FAM53A: variants seen among roughly 807,000 people sequenced by gnomAD.
FAM53A encodes the protein family with sequence similarity 53 member A, also known as protein FAM53A.
A neutral mutation model predicts 26.6 loss-of-function variants in FAM53A; 28 were observed. That is an observed-to-expected ratio of 1.05 (90% CI 0.78 to 1.45). The LOEUF (loss-of-function observed/expected upper bound fraction) is 1.45, where lower values mean the gene tolerates loss of function less well. Among genes scored for constraint, FAM53A ranks in the 40% most tolerant of loss-of-function variants. The pLI, the probability that FAM53A is intolerant of heterozygous loss-of-function variation, is 0.00. For missense variants in FAM53A, 650 were observed against 575.8 expected, an observed-to-expected ratio of 1.13 and a Z score of -1.32; for synonymous variants, 290 against 253.1, an observed-to-expected ratio of 1.15 and a Z score of -1.38.
chr4:1,617,371 G>A (rs537561168), downstream of FAM53A, among the ~76,000 whole-genome samples: 1 of 152,094 alleles, frequency 6.6e-6, no homozygotes, highest in African/African-American at 2.4e-5. Flanking sequence ...TTACTTATAC[G>A]TGGCTCATGA....
At chr4:1,669,998 C>A (rs1025947711) in intron 1 of FAM53A, among the ~76,000 whole-genome samples, 2 of 152,208 alleles carry the variant, frequency 1.3e-5, no homozygotes, top group Admixed American at 6.5e-5. Flanking sequence ...AAAGCCCAGG[C>A]CTCACCACCA....
At chr4:1,655,767 C>G in intron 3 of FAM53A, 44 bp from the exon 4 acceptor site, 1 of 1,490,576 alleles carries the variant, frequency 6.7e-7, no homozygotes, top group South Asian at 1.3e-5. Context: ...GACAGGTGAG[C>G]CACAGGGCAG....
At chr4:1,611,753 A>G in the FAM53A span, among the ~76,000 whole-genome samples, 4 of 152,154 alleles carry the variant, frequency 2.6e-5, no homozygotes, top group Non-Finnish European at 4.4e-5. Flanking sequence ...TGGCCATGCC[A>G]AAGGTTCTCA....
intron 1 of FAM53A, among the ~76,000 whole-genome samples, chr4:1,673,942 G>C (rs1026941817): frequency 6.6e-6 from 1 of 152,238 alleles, no homozygotes; most frequent in South Asian, 2.1e-4. Flanking sequence ...GCAGGGAAGA[G>C]ACCCTCGTGT....
chr4:1,608,060 C>T, the FAM53A span, among the ~76,000 whole-genome samples: 4 of 152,162 alleles, frequency 2.6e-5, no homozygotes, highest in South Asian at 4.2e-4. Flanking sequence ...CGCAGTGAGC[C>T]GAGATTGGGC....
the FAM53A span, among the ~76,000 whole-genome samples, chr4:1,599,022 TC>T: frequency 2.0e-5 from 3 of 152,226 alleles, no homozygotes; most frequent in Non-Finnish European, 2.9e-5. The surrounding 1 kb of genome is among the most constrained non-coding windows in gnomAD (Gnocchi z 6.1). Context: ...CCGCGTTCCT[TC>T]CCCGGCCCGC....
intron 1 of FAM53A, among the ~76,000 whole-genome samples, chr4:1,620,908 C>G (rs983143676): frequency 6.6e-6 from 1 of 152,066 alleles, no homozygotes; most frequent in Non-Finnish European, 1.5e-5. Flanking sequence ...ATCGGGTCCC[C>G]AGGGTCACCA....
the FAM53A span, among the ~76,000 whole-genome samples, chr4:1,611,519 G>A: frequency 6.6e-6 from 1 of 152,212 alleles, no homozygotes; most frequent in East Asian, 1.9e-4. Context: ...GGTGCCCCTG[G>A]TGCACAAGAA....
chr4:1,621,101 C>CTTTTTTTTTTGTTT (rs1715011014), intron 1 of FAM53A, among the ~76,000 whole-genome samples: 1 of 95,488 alleles, frequency 1.0e-5, no homozygotes, highest in Admixed American at 1.4e-4. Flanking sequence ...AGCTACGCTA[C>CTTTTTTTTTTGTTT]TTTTTTTTTT....
intron 2 of FAM53A, among the ~76,000 whole-genome samples, chr4:1,657,881 C>T (rs545184975): frequency 2.0e-5 from 3 of 151,252 alleles, no homozygotes; most frequent in East Asian, 2.0e-4. Context: ...CCTCGTGATC[C>T]GCCCGCCTCA....
downstream of FAM53A, among the ~76,000 whole-genome samples, chr4:1,615,690 C>T (rs73795176): frequency 1.2e-3 from 181 of 152,348 alleles, 1 homozygote; most frequent in African/African-American, 4.2e-3. Context: ...GGGGATGGCC[C>T]GAATTGTTTG....
chr4:1,683,632 T>C (rs992669432), intron 1 of FAM53A: 12 of 152,182 alleles, frequency 7.9e-5, no homozygotes, highest in South Asian at 2.1e-4. Context: ...CGAAAAGTGC[T>C]TTAGAGTTAT....
intron 1 of FAM53A, among the ~76,000 whole-genome samples, chr4:1,625,102 C>T (rs111868706): frequency 2.2e-5 from 1 of 45,984 alleles, no homozygotes; most frequent in Non-Finnish European, 3.9e-5. Flanking sequence ...TGATCAGAAG[C>T]CCCCACGTCC....
downstream of FAM53A, among the ~76,000 whole-genome samples, chr4:1,615,149 G>T (rs116496996): frequency 6.2e-3 from 926 of 150,428 alleles, 4 homozygotes; most frequent in Non-Finnish European, 9.8e-3. Flanking sequence ...CACCCCACCT[G>T]GGTACACACG....
intron 1 of FAM53A, among the ~76,000 whole-genome samples, chr4:1,676,052 T>C (rs1318551141): frequency 6.6e-6 from 1 of 152,266 alleles, no homozygotes; most frequent in African/African-American, 2.4e-5. Context: ...TTTTTCTGTG[T>C]TTTAATTTAA....
At chr4:1,578,474 C>T in the FAM53A span, among the ~76,000 whole-genome samples, 1 of 151,850 alleles carries the variant, frequency 6.6e-6, no homozygotes, top group Non-Finnish European at 1.5e-5. Flanking sequence ...GCCGGTGTGG[C>T]CTGGAAGCTC....
the FAM53A span, among the ~76,000 whole-genome samples, chr4:1,593,285 A>C: frequency 2.0e-5 from 3 of 152,006 alleles, no homozygotes; most frequent in Non-Finnish European, 4.4e-5. Context: ...GCGCGCCCGC[A>C]GGAGGGAAGC....
chr4:1,650,630 G>T (rs922298790), intron 4 of FAM53A, among the ~76,000 whole-genome samples: 18 of 151,930 alleles, frequency 1.2e-4, no homozygotes, highest in Non-Finnish European at 2.6e-4. Flanking sequence ...CAAGTAGCTA[G>T]GACTACAGGC....
chr4:1,620,015 C>G (rs188592207), intron 1 of FAM53A, among the ~76,000 whole-genome samples: 1 of 151,562 alleles, frequency 6.6e-6, no homozygotes, highest in African/African-American at 2.4e-5. Context: ...CGAGACCAGC[C>G]TGGCCAATAT....
Sources: gnomAD v4.1 joint callset for allele counts (sites outside exome capture counted in the v4.1 genomes callset) on GRCh38, gnomAD v4.1.1 for gene constraint, Gnocchi (gnomAD v3.1) non-coding constraint, MANE v1.5 for transcripts, NCBI Gene and HGNC (gene_info 2026-07-23, HGNC 2026-07-21) for gene names.